The following RBM19 variants were observed in gnomAD, a reference collection of about 807,000 sequenced individuals.
The protein encoded by RBM19 is RNA binding motif protein 19, also known as probable RNA-binding protein 19.
Under a neutral mutation model 116.8 loss-of-function variants are expected in RBM19, and 94 were observed. The observed-to-expected ratio is 0.80, with a 90% CI of 0.68 to 0.95. The LOEUF (loss-of-function observed/expected upper bound fraction) is 0.95, where lower values mean the gene tolerates loss of function less well. Ranked by LOEUF, RBM19 falls within the 40% of genes least tolerant of loss-of-function variation. The pLI is 0.00. For synonymous variants in RBM19, 475 were observed against 494.1 expected (o/e 0.96, Z 0.51); for missense variants, 1,161 against 1,220.7 (o/e 0.95, Z 0.73).
chr12:113,918,363 G>T, intron 20 of RBM19, 29 bp downstream of exon 20: 1 of 1,613,472 alleles, frequency 6.2e-7, no homozygotes, highest in Non-Finnish European at 8.5e-7. Context: ...CAGCTCGTAG[G>T]AAAGGAAATG....
downstream of RBM19, among the ~76,000 whole-genome samples, chr12:113,818,663 T>G (rs1245150089): frequency 6.6e-6 from 1 of 152,198 alleles, no homozygotes; most frequent in Non-Finnish European, 1.5e-5. Flanking sequence ...TCTTAACCAA[T>G]CCAATGAGGC....
intron 6 of RBM19, 128 bp downstream of exon 6, chr12:113,957,654 G>C: frequency 7.6e-7 from 1 of 1,321,210 alleles, no homozygotes; most frequent in Non-Finnish European, 9.7e-7. Context: ...GCCAAGATCG[G>C]GAAGGCTTTG....
chr12:113,847,642 A>T (rs1251112216), intron 22 of RBM19, among the ~76,000 whole-genome samples: 1 of 151,938 alleles, frequency 6.6e-6, no homozygotes, highest in Non-Finnish European at 1.5e-5. Context: ...GGCCAAGGGG[A>T]TGCATCTGGT....
chr12:113,827,476 C>CGCAG (rs1303349496), intron 23 of RBM19, among the ~76,000 whole-genome samples: 2 of 128,800 alleles, frequency 1.6e-5, no homozygotes, highest in South Asian at 2.9e-4. Context: ...GCATGGGAGG[C>CGCAG]GCAGGCAGGC....
At chr12:113,857,709 C>G (rs963474404) in intron 22 of RBM19, among the ~76,000 whole-genome samples, 3 of 152,360 alleles carry the variant, frequency 2.0e-5, no homozygotes, top group Admixed American at 6.5e-5. Flanking sequence ...GCTGGCGAGG[C>G]TCTCCGAGGG....
At chr12:113,909,543 C>A (rs921912227) in intron 21 of RBM19, among the ~76,000 whole-genome samples, 1 of 152,124 alleles carries the variant, frequency 6.6e-6, no homozygotes, top group Non-Finnish European at 1.5e-5. Context: ...TGGAAGGCAA[C>A]GTGAACCACC....
Position 113,918,297 on chromosome 12 carries a change from C to T in RBM19, c.2441+95G>A, listed in dbSNP as rs1882896463. ...ATGGTAAAGGGATAGGTGGAAAGGA[C>T]ATTGAAGGGTTGTGAGACAGCCTCC... is the stretch of plus-strand genomic sequence containing the variant. On this transcript the variant is annotated intron_variant, in intron 20 of 23. Transcript: ENST00000261741. 3 of 1,174,092 alleles carry T rather than the reference C, an allele frequency of 2.6e-6. No individual in the cohort carries two copies. In the East Asian group the frequency reaches 7.0e-5, roughly 27 times the overall value. 72.7% of individuals were successfully genotyped at this position (1,174,092 alleles called of 1,614,324 possible).
intron 21 of RBM19, among the ~76,000 whole-genome samples, chr12:113,859,792 G>A (rs1878216902): frequency 6.6e-6 from 1 of 151,994 alleles, no homozygotes; most frequent in Non-Finnish European, 1.5e-5. Flanking sequence ...CACGGCATCT[G>A]AAGAGAGGTA....
intron 22 of RBM19, among the ~76,000 whole-genome samples, chr12:113,852,413 C>T (rs1381632583): frequency 6.6e-6 from 1 of 152,220 alleles, no homozygotes; most frequent in East Asian, 1.9e-4. Context: ...TTTTCAATTC[C>T]TCCAGGGCTC....
At chr12:113,858,648 C>T (rs1020179643) in intron 22 of RBM19, 143 bp downstream of exon 22, 1 of 709,664 alleles carries the variant, frequency 1.4e-6, no homozygotes, top group Non-Finnish European at 2.4e-6. Flanking sequence ...GGATGTTGTA[C>T]ACATTAAGCA....
chr12:113,902,137 G>A (rs546783272), intron 21 of RBM19, among the ~76,000 whole-genome samples: 10 of 152,150 alleles, frequency 6.6e-5, no homozygotes, highest in African/African-American at 1.2e-4. Context: ...TTTTATATGC[G>A]GTCATTTGCA....
At chr12:113,886,857 AAGGACAGACGGGTCTGGGT>A (rs1880564942) in intron 21 of RBM19, among the ~76,000 whole-genome samples, 1 of 152,170 alleles carries the variant, frequency 6.6e-6, no homozygotes, top group Non-Finnish European at 1.5e-5. Flanking sequence ...CACGCAGCCC[AAGGACAGACGGGTCTGGGT>A]GTGCAAGCGC....
chr12:113,890,121 C>G (rs115058590), intron 21 of RBM19, among the ~76,000 whole-genome samples: 5,274 of 152,306 alleles, frequency 0.035, 290 homozygotes, highest in African/African-American at 0.12. Flanking sequence ...TCATTCCCCC[C>G]TCCCTCGCTG....
chr12:113,836,915 C>CATA (rs1875974496), intron 23 of RBM19, among the ~76,000 whole-genome samples: 2 of 12,156 alleles, frequency 1.6e-4, no homozygotes, highest in African/African-American at 6.9e-4. Context: ...CCCCCCCCCC[C>CATA]CACATACACA....
At chr12:113,945,950 G>A (rs1272561856) in intron 12 of RBM19, 26 bp from the exon 13 acceptor site, 3 of 1,519,958 alleles carry the variant, frequency 2.0e-6, no homozygotes, top group East Asian at 4.5e-5. Context: ...AGAACAGGGA[G>A]ATCAGACCGC....
At chr12:113,894,072 T>C (rs1048461049) in intron 21 of RBM19, among the ~76,000 whole-genome samples, 2 of 152,178 alleles carry the variant, frequency 1.3e-5, no homozygotes, top group African/African-American at 4.8e-5. Context: ...TAGCTCCCTT[T>C]TCTACCTCTT....
intron 6 of RBM19, among the ~76,000 whole-genome samples, chr12:113,956,398 T>C (rs565134843): frequency 4.3e-4 from 66 of 151,940 alleles, no homozygotes; most frequent in African/African-American, 1.6e-3. Context: ...CTGGACAATA[T>C]GGTGAAACTC....
rs1876944217 is a variant in RBM19 at position 113,846,105 on chromosome 12, C to G, written c.2665-1317G>C. Among the ~76,000 whole-genome samples the G allele has an allele frequency of 2.0e-5, 3 of 152,202 alleles. No individual in the cohort carries two copies. In the South Asian group the frequency reaches 6.2e-4, roughly 32 times the overall value. Reference sequence around the variant, plus strand: ...TTTGCAGCTGCTTTCTCTCAGCAGACAGCTTTCGGGCAGGCATTAGTTTAA... The same window carrying G: ...TTTGCAGCTGCTTTCTCTCAGCAGAGAGCTTTCGGGCAGGCATTAGTTTAA... On this transcript the variant is annotated intron_variant, in intron 22 of 23. Coordinates refer to ENST00000261741, the MANE Select transcript of RBM19 (RefSeq NM_016196.4).
intron 2 of RBM19, among the ~76,000 whole-genome samples, chr12:113,961,779 C>T (rs932586907): frequency 6.6e-6 from 1 of 152,336 alleles, no homozygotes; most frequent in Non-Finnish European, 1.5e-5. Context: ...TGTCACTGAG[C>T]CAAAGCAGCC....
Sources: allele counts gnomAD v4.1 joint callset (sites outside exome capture counted in the v4.1 genomes callset), GRCh38; gene constraint gnomAD v4.1.1; transcripts MANE v1.5; gene names NCBI Gene and HGNC (gene_info 2026-07-23, HGNC 2026-07-21).